Variants in UBE3C observed in about 807,000 individuals in gnomAD.
UBE3C encodes the protein ubiquitin-protein ligase E3C.
A neutral mutation model predicts 129.4 loss-of-function variants in UBE3C; 42 were observed. That is an observed-to-expected ratio of 0.32 (90% CI 0.25 to 0.42). UBE3C has a LOEUF of 0.42. Ranked by LOEUF, UBE3C falls within the 10% of genes least tolerant of loss-of-function variation. UBE3C has a pLI of 1.00. For missense variants in UBE3C, 1,049 were observed against 1,319.1 expected (o/e 0.80, Z 3.17); for synonymous variants, 510 against 492.4 (o/e 1.04, Z -0.47).
intron 21 of UBE3C, among the ~76,000 whole-genome samples, chr7:157,256,359 T>C (rs1796751060): frequency 6.6e-6 from 1 of 152,224 alleles, no homozygotes; most frequent in Admixed American, 6.5e-5. Flanking sequence ...GCCAGGCTGC[T>C]CTCGAACTCC....
chr7:157,208,465 A>G (rs1186662985), intron 13 of UBE3C, among the ~76,000 whole-genome samples: 1 of 152,210 alleles, frequency 6.6e-6, no homozygotes, highest in African/African-American at 2.4e-5. Context: ...ATTTTAATTT[A>G]CATTTGCCTC....
At chr7:157,196,421 T>TA (rs1335784906) in intron 10 of UBE3C, among the ~76,000 whole-genome samples, 2 of 152,194 alleles carry the variant, frequency 1.3e-5, no homozygotes, top group African/African-American at 4.8e-5. Context: ...ACTTCAGAAA[T>TA]ACAAACATTT....
intron 11 of UBE3C, 69 bp downstream of exon 11, chr7:157,201,876 GC>G: frequency 7.5e-7 from 1 of 1,336,154 alleles, no homozygotes; most frequent in Non-Finnish European, 1.1e-6. Flanking sequence ...CAAAAATGTT[GC>G]CAGAACCTGT....
intron 13 of UBE3C, among the ~76,000 whole-genome samples, chr7:157,208,882 G>T (rs749725330): frequency 3.3e-5 from 5 of 152,208 alleles, no homozygotes; most frequent in Non-Finnish European, 7.3e-5. Context: ...CATTAAAGGA[G>T]TGAGAGCAGA....
intron 22 of UBE3C, among the ~76,000 whole-genome samples, chr7:157,262,312 TTATATGCCACATA>T (rs1401655738): frequency 6.0e-5 from 9 of 151,146 alleles, no homozygotes; most frequent in Non-Finnish European, 1.0e-4. Flanking sequence ...TTAGCACATA[TTATATGCCACATA>T]TATATTTTTT....
At chr7:157,140,009 T>A in intron 1 of UBE3C, 1 of 985,450 alleles carries the variant, frequency 1.0e-6, no homozygotes, top group Non-Finnish European at 1.2e-6. Context: ...GACATTAAGT[T>A]GTTCGCATGG....
chr7:157,263,817 G>T, intron 22 of UBE3C, among the ~76,000 whole-genome samples: 1 of 148,498 alleles, frequency 6.7e-6, no homozygotes, highest in African/African-American at 2.5e-5. Context: ...TGGAAATTGT[G>T]ATCAAGTATA....
At chr7:157,247,539 A>G (rs1796510854) in intron 18 of UBE3C, among the ~76,000 whole-genome samples, 1 of 152,190 alleles carries the variant, frequency 6.6e-6, no homozygotes, top group Non-Finnish European at 1.5e-5. Flanking sequence ...TAAATATACA[A>G]AAATTAGCTG....
At chr7:157,226,374 G>C (rs185505525) in intron 17 of UBE3C, among the ~76,000 whole-genome samples, 23 of 152,284 alleles carry the variant, frequency 1.5e-4, no homozygotes, top group African/African-American at 5.3e-4. Flanking sequence ...TTGAAAGTTC[G>C]TGTGCTATTA....
At chr7:157,204,380 A>G (rs1809373166) in intron 11 of UBE3C, among the ~76,000 whole-genome samples, 1 of 132,376 alleles carries the variant, frequency 7.6e-6, no homozygotes. Flanking sequence ...CCTGGGTAAC[A>G]AGAGGGAAAC....
At chr7:157,158,599 A>G (rs1807982096) in intron 1 of UBE3C, among the ~76,000 whole-genome samples, 1 of 152,208 alleles carries the variant, frequency 6.6e-6, no homozygotes, top group African/African-American at 2.4e-5. Flanking sequence ...GATTTAGCTC[A>G]TTGTCCATTT....
At chr7:157,147,573 A>AT (rs1221636977) in intron 1 of UBE3C, among the ~76,000 whole-genome samples, 1 of 151,828 alleles carries the variant, frequency 6.6e-6, no homozygotes. Flanking sequence ...GTCTTACTGC[A>AT]TTAGGTAGGA....
intron 10 of UBE3C, chr7:157,192,731 T>C: frequency 1.1e-6 from 1 of 912,588 alleles, no homozygotes; most frequent in Non-Finnish European, 1.8e-6. Flanking sequence ...AGTGCCCTTC[T>C]GATGAATGTG....
At chr7:157,246,750 C>T (rs6977096) in intron 18 of UBE3C, among the ~76,000 whole-genome samples, 3 of 152,266 alleles carry the variant, frequency 2.0e-5, no homozygotes, top group South Asian at 4.2e-4. Flanking sequence ...TAGGAAGGCC[C>T]GTGACTGCCT....
intron 6 of UBE3C, among the ~76,000 whole-genome samples, chr7:157,180,360 AT>A (rs1808635364): frequency 6.6e-6 from 1 of 152,106 alleles, no homozygotes; most frequent in Non-Finnish European, 1.5e-5. Context: ...TTCTTGATGT[AT>A]TTTTATCTTT....
intron 9 of UBE3C, among the ~76,000 whole-genome samples, chr7:157,186,082 G>A (rs180921758): frequency 6.6e-6 from 1 of 152,104 alleles, no homozygotes; most frequent in African/African-American, 2.4e-5. Context: ...CAAATCTTCT[G>A]GAGAGATTAA....
intron 2 of UBE3C, among the ~76,000 whole-genome samples, chr7:157,164,183 T>A (rs1368427416): frequency 6.6e-6 from 1 of 151,974 alleles, no homozygotes; most frequent in Admixed American, 6.6e-5. Context: ...TTTAAGATAC[T>A]GAGTCTTGCT....
chr7:157,169,536 CAGCTGATTTTTGT>C (rs1031695891), intron 3 of UBE3C, among the ~76,000 whole-genome samples: 1 of 151,938 alleles, frequency 6.6e-6, no homozygotes, highest in Non-Finnish European at 1.5e-5. Context: ...CCACCACGTG[CAGCTGATTTTTGT>C]ATTGTTAGTA....
At chr7:157,198,499 C>T (rs938342773) in intron 10 of UBE3C, 3 of 392,718 alleles carry the variant, frequency 7.6e-6, no homozygotes, top group South Asian at 5.2e-5. Flanking sequence ...TCAGGGCCGC[C>T]GCCCTCCGCC....
Sources: gnomAD v4.1 joint callset for allele counts (sites outside exome capture counted in the v4.1 genomes callset) on GRCh38, gnomAD v4.1.1 for gene constraint, MANE v1.5 for transcripts, NCBI Gene and HGNC (gene_info 2026-07-23, HGNC 2026-07-21) for gene names.